The following ELL variants were observed in gnomAD, a reference collection of about 807,000 sequenced individuals.
ELL encodes elongation factor for RNA polymerase II, also known as RNA polymerase II elongation factor ELL.
ELL carries 18 observed loss-of-function variants against 64.0 expected under a neutral mutation model. That is an observed-to-expected ratio of 0.28 (90% CI 0.19 to 0.42). ELL has a LOEUF of 0.42. Ranked by LOEUF, ELL falls within the 10% of genes least tolerant of loss-of-function variation. The pLI is 1.00. For synonymous variants in ELL, 399 were observed against 376.2 expected (o/e 1.06, Z -0.70); for missense variants, 797 against 870.4 (o/e 0.92, Z 1.06).
chr19:18,465,675 G>C, intron 3 of ELL, 100 bp from the exon 4 acceptor site: 1 of 1,481,152 alleles, frequency 6.8e-7, no homozygotes, highest in Admixed American at 2.3e-5. Flanking sequence ...CCTGGAAAAT[G>C]GACTCTGTCA....
At chr19:18,518,958 TG>T (rs1356355809) in intron 1 of ELL, among the ~76,000 whole-genome samples, 4 of 152,156 alleles carry the variant, frequency 2.6e-5, no homozygotes, top group Non-Finnish European at 5.9e-5. Context: ...CTACCTGGGC[TG>T]TTCCCAGAGC....
chr19:18,473,244 A>G, intron 1 of ELL: 1 of 547,768 alleles, frequency 1.8e-6, no homozygotes, highest in Non-Finnish European at 3.5e-6. Context: ...GCAAGGCTCA[A>G]GGTGCTCACA....
rs1398242037 is a variant in ELL at position 18,501,071 on chromosome 19, C to A, written c.135+20850G>T. Among the ~76,000 whole-genome samples, 1 of 152,098 alleles carries A rather than the reference C, an allele frequency of 6.6e-6. No individual in the cohort carries two copies. The highest frequency in any genetic ancestry group is 2.1e-4 in the South Asian group (1 of 4,830). On this transcript the variant is annotated intron_variant, in intron 1 of 11. Transcript: ENST00000262809. The surrounding 1 kb of genome is among the most constrained non-coding windows in gnomAD (Gnocchi z 4.5). ...AGCAGGAGAGGCAATGCCGTCCCAT[C>A]CCAAGCATGTGGGCGCACACCCAGG... is the stretch of plus-strand genomic sequence containing the variant.
chr19:18,446,872 G>C, intron 8 of ELL, 58 bp from the exon 9 acceptor site: 1 of 1,580,418 alleles, frequency 6.3e-7, no homozygotes. Context: ...TCGGCAGGAA[G>C]CACGCCAGGA....
intron 1 of ELL, among the ~76,000 whole-genome samples, chr19:18,516,346 G>A (rs1801296290): frequency 6.6e-6 from 1 of 152,130 alleles, no homozygotes; most frequent in African/African-American, 2.4e-5. Flanking sequence ...GCCATGCCTG[G>A]GACCCTTCCC....
chr19:18,458,673 C>CT lies in ELL; in HGVS notation c.745-345dup, dbSNP rs1208290099. ...CCTGCCCCCTGGCCCCTCTAGCCTG[C>CT]TTTTTTTCCTTTTTTGATACAAGAT... On this transcript the variant is annotated intron_variant, in intron 5 of 11. Coordinates refer to ENST00000262809, the MANE Select transcript of ELL (RefSeq NM_006532.4). 1.3e-3 allele frequency among the ~76,000 whole-genome samples: 194 copies of CT among 152,224 alleles called. 1 individual carries two copies. Among genetic ancestry groups the CT allele is most frequent in the African/African-American group, 4.6e-3 (191 of 41,534 alleles).
chr19:18,514,382 C>T (rs1976088087), intron 1 of ELL, among the ~76,000 whole-genome samples: 1 of 151,662 alleles, frequency 6.6e-6, no homozygotes, highest in Non-Finnish European at 1.5e-5. Context: ...GGTGTGGTGA[C>T]GGGCGCCTGT....
chr19:18,507,392 AG>A (rs1281882360), intron 1 of ELL, among the ~76,000 whole-genome samples: 3 of 152,242 alleles, frequency 2.0e-5, no homozygotes, highest in Admixed American at 6.5e-5. Flanking sequence ...AGAACTGCTC[AG>A]GAAGTCCTCC....
In ELL at chr19:18,445,219, C is replaced by T. The variant is rs368682452; in HGVS notation, c.1749+5G>A. On this transcript the variant is annotated splice_donor_5th_base_variant and intron_variant, in intron 11 of 11. Coordinates refer to ENST00000262809, the MANE Select transcript of ELL (RefSeq NM_006532.4). ...GGAGCCCACCCCAACACAAGAGACA[C>T]TCACCTTTTTGATTTTTCGATATTC... 3 of 1,613,976 alleles carry T rather than the reference C, an allele frequency of 1.9e-6. No individual in the cohort carries two copies. Among genetic ancestry groups the T allele is most frequent in the Non-Finnish European group, 2.5e-6 (3 of 1,179,868 alleles).
At chr19:18,474,185 A>C (rs1975127028) in intron 1 of ELL, among the ~76,000 whole-genome samples, 1 of 148,866 alleles carries the variant, frequency 6.7e-6, no homozygotes, top group Non-Finnish European at 1.5e-5. Context: ...TGGGAAAGAC[A>C]GGAGCTGCTA....
chr19:18,462,003 G>A, intron 4 of ELL, 151 bp from the exon 5 acceptor site: 1 of 1,080,518 alleles, frequency 9.3e-7, no homozygotes, highest in Non-Finnish European at 1.3e-6. Flanking sequence ...TTGCTCCTTG[G>A]GGACCCTGGG....
At chr19:18,478,280 T>TA (rs147162034) in intron 1 of ELL, among the ~76,000 whole-genome samples, 1,528 of 152,290 alleles carry the variant, frequency 0.01, 25 homozygotes, top group African/African-American at 0.034. Context: ...GAACAGACTG[T>TA]AGCACAGGTG....
At chr19:18,520,188 G>A (rs191751968) in intron 1 of ELL, among the ~76,000 whole-genome samples, 5 of 152,304 alleles carry the variant, frequency 3.3e-5, no homozygotes, top group South Asian at 2.1e-4. Flanking sequence ...GAGAGAAGGC[G>A]GAGCTCCTGG....
intron 1 of ELL, among the ~76,000 whole-genome samples, chr19:18,509,475 C>T (rs1384782335): frequency 6.6e-6 from 1 of 152,130 alleles, no homozygotes; most frequent in African/African-American, 2.4e-5. Flanking sequence ...GCCGCCCCCA[C>T]CCGGCCCCTT....
At chr19:18,459,302 G>A (rs1185016196) in intron 5 of ELL, among the ~76,000 whole-genome samples, 4 of 152,158 alleles carry the variant, frequency 2.6e-5, no homozygotes, top group South Asian at 2.1e-4. Context: ...TGCTGTTGCC[G>A]GTTGACCAAA....
At chr19:18,494,159 C>G (rs2144957321) in intron 1 of ELL, among the ~76,000 whole-genome samples, 1 of 151,486 alleles carries the variant, frequency 6.6e-6, no homozygotes, top group African/African-American at 2.4e-5. Flanking sequence ...CCCAGGAGTT[C>G]AAGGTTATAG....
chr19:18,475,178 T>C (rs575871365), intron 1 of ELL, among the ~76,000 whole-genome samples: 3 of 152,122 alleles, frequency 2.0e-5, no homozygotes, highest in Non-Finnish European at 4.4e-5. Context: ...AAGAGACCTA[T>C]AGGGACCAAT....
At chr19:18,510,811 A>C (rs1401813140) in intron 1 of ELL, among the ~76,000 whole-genome samples, 2 of 152,184 alleles carry the variant, frequency 1.3e-5, no homozygotes, top group Non-Finnish European at 2.9e-5. Context: ...GCAAATCCTC[A>C]AAAAATTAAA....
intron 1 of ELL, among the ~76,000 whole-genome samples, chr19:18,493,474 C>T (rs1022264522): frequency 3.3e-5 from 5 of 152,386 alleles, no homozygotes; most frequent in Admixed American, 3.3e-4. Flanking sequence ...GGTGCTCCAA[C>T]TTGGGTGGAA....
Sources: gnomAD v4.1 joint callset for allele counts (sites outside exome capture counted in the v4.1 genomes callset) on GRCh38, gnomAD v4.1.1 for gene constraint, Gnocchi (gnomAD v3.1) non-coding constraint, MANE v1.5 for transcripts, NCBI Gene and HGNC (gene_info 2026-07-23, HGNC 2026-07-21) for gene names.